Variants in MMRN1 observed in about 807,000 individuals in gnomAD.
The protein encoded by MMRN1 is multimerin-1.
In MMRN1, 94 loss-of-function variants were observed where a neutral mutation model predicts 100.7. That is an observed-to-expected ratio of 0.93 (90% CI 0.79 to 1.11). The LOEUF is 1.11. Ranked by LOEUF, MMRN1 falls within the 50% of genes least tolerant of loss-of-function variation. The pLI is 0.00. For missense variants in MMRN1, 1,606 were observed against 1,439.1 expected, an observed-to-expected ratio of 1.12 and a Z score of -1.88; for synonymous variants, 575 against 505.0, an observed-to-expected ratio of 1.14 and a Z score of -1.86.
intron 1 of MMRN1, among the ~76,000 whole-genome samples, chr4:89,881,224 C>T (rs533921623): frequency 9.5e-4 from 145 of 152,216 alleles, no homozygotes; most frequent in African/African-American, 3.3e-3. Context: ...GGGGCATATG[C>T]TAGCATCTAG....
At chr4:89,892,223 C>A (rs1227741558), upstream of MMRN1, among the ~76,000 whole-genome samples, 1 of 151,600 alleles carries the variant, frequency 6.6e-6, no homozygotes, top group East Asian at 1.9e-4. Context: ...TGATTTTTAT[C>A]TTATAAAATA....
At chr4:89,915,487 A>G (rs962234512) in intron 3 of MMRN1, among the ~76,000 whole-genome samples, 1 of 151,582 alleles carries the variant, frequency 6.6e-6, no homozygotes, top group African/African-American at 2.4e-5. Context: ...TCTGGTTCTG[A>G]GTGAGAGAGA....
chr4:89,897,573 A>G (rs1277632374), intron 1 of MMRN1, among the ~76,000 whole-genome samples: 2 of 152,214 alleles, frequency 1.3e-5, no homozygotes, highest in Non-Finnish European at 2.9e-5. Flanking sequence ...TTAAAATAGC[A>G]TTTAAATTTT....
At chr4:89,884,387 T>G (rs1720888495) in intron 1 of MMRN1, among the ~76,000 whole-genome samples, 1 of 152,118 alleles carries the variant, frequency 6.6e-6, no homozygotes, top group Non-Finnish European at 1.5e-5. Context: ...ATCTTGTTGT[T>G]TACACTGCAA....
chr4:89,920,856 CA>C (rs1722065939), intron 3 of MMRN1, among the ~76,000 whole-genome samples: 1 of 151,464 alleles, frequency 6.6e-6, no homozygotes, highest in South Asian at 2.1e-4. Flanking sequence ...CCCCATTCCT[CA>C]AAATAGAGCT....
Position 89,953,356 on chromosome 4 carries a change from A to G in MMRN1, c.3625A>G (p.Thr1209Ala). The change falls in exon 8 of 8, where the codon ACA becomes GCA. Residue 1209 changes from threonine (T) to alanine (A), a missense_variant. Coordinates refer to ENST00000264790, the MANE Select transcript of MMRN1 (RefSeq NM_007351.3). ...QEVWLRLAKG[T>A]IPAKFPPVTT... is the part of the protein sequence containing the mutation. Reference sequence around the variant, plus strand: ...AGTCTGGTTACGACTTGCAAAAGGAACAATTCCAGCCAAGTTTCCCCCTGT... The same window carrying G: ...AGTCTGGTTACGACTTGCAAAAGGAGCAATTCCAGCCAAGTTTCCCCCTGT... 1.2e-6 allele frequency: 2 copies of G among 1,613,492 alleles called. No individual in the cohort carries two copies. Among genetic ancestry groups the G allele is most frequent in the Non-Finnish European group, 1.7e-6 (2 of 1,179,706 alleles).
At chr4:89,888,119 T>C (rs1720977513) in intron 1 of MMRN1, among the ~76,000 whole-genome samples, 1 of 151,954 alleles carries the variant, frequency 6.6e-6, no homozygotes, top group Non-Finnish European at 1.5e-5. Context: ...TTTACATATA[T>C]ATTTAACTTT....
At chr4:89,940,312 C>G (rs1294697141) in intron 6 of MMRN1, among the ~76,000 whole-genome samples, 2 of 152,008 alleles carry the variant, frequency 1.3e-5, no homozygotes, top group African/African-American at 4.8e-5. Flanking sequence ...AACTTTTTCT[C>G]TAATGTTTAT....
chr4:89,909,182 G>T, intron 1 of MMRN1, 94 bp from the exon 2 acceptor site: 2 of 1,355,090 alleles, frequency 1.5e-6, no homozygotes, highest in Non-Finnish European at 2.0e-6. Flanking sequence ...TCTATAGTAT[G>T]GCAAAAATAA....
chr4:89,920,541 A>G (rs1217418414), intron 3 of MMRN1, among the ~76,000 whole-genome samples: 2 of 151,926 alleles, frequency 1.3e-5, no homozygotes, highest in African/African-American at 2.4e-5. Flanking sequence ...CACTTCACTT[A>G]CTCTTTAAGG....
At chr4:89,946,305 A>T (rs1466794625) in intron 6 of MMRN1, among the ~76,000 whole-genome samples, 1 of 152,192 alleles carries the variant, frequency 6.6e-6, no homozygotes, top group Non-Finnish European at 1.5e-5. Flanking sequence ...AGGCAAAACG[A>T]TAAGTTCCCT....
At chr4:89,898,721 A>G (rs1049816642) in intron 1 of MMRN1, among the ~76,000 whole-genome samples, 2 of 151,984 alleles carry the variant, frequency 1.3e-5, no homozygotes, top group African/African-American at 2.4e-5. Context: ...GTGACTAACA[A>G]TGGGCCCTCT....
At position 89,953,083 on chromosome 4, in the gene MMRN1, C is replaced by G. The variant is rs1461798750; in HGVS notation, c.3352C>G (p.Leu1118Val). The G allele has an allele frequency of 1.2e-6, 2 of 1,613,706 alleles. No homozygotes were observed. The highest frequency in any genetic ancestry group is 1.7e-5 in the Admixed American group (1 of 59,956). ...TYGMTIPGPI[L>V]FNNLDVNYGA... ...TGGAATGACTATACCTGGTCCTATC[C>G]TGTTTAATAACTTGGATGTCAATTA... is the stretch of plus-strand genomic sequence containing the variant. Residue 1118 changes from leucine to valine, a missense_variant, in exon 8 of 8, where the codon CTG (leucine) becomes GTG (valine). Leu to Val is a conservative substitution (Grantham distance 32). Transcript: ENST00000264790.
intron 4 of MMRN1, among the ~76,000 whole-genome samples, chr4:89,925,224 T>A (rs1004612488): frequency 1.1e-4 from 16 of 150,474 alleles, no homozygotes; most frequent in Non-Finnish European, 1.5e-4. Context: ...ACAGCCTCCA[T>A]CTCCAGAGCT....
intron 5 of MMRN1, among the ~76,000 whole-genome samples, chr4:89,930,795 A>G (rs1368129822): frequency 6.6e-6 from 1 of 152,046 alleles, no homozygotes. Context: ...TACTTACTCT[A>G]TATAGCATAT....
chr4:89,917,779 G>C (rs1282128734), intron 3 of MMRN1, among the ~76,000 whole-genome samples: 1 of 151,790 alleles, frequency 6.6e-6, no homozygotes, highest in Non-Finnish European at 1.5e-5. Flanking sequence ...GTCTCAATAA[G>C]TTTGTAATTT....
At chr4:89,939,556 G>T (rs958267413) in intron 6 of MMRN1, among the ~76,000 whole-genome samples, 6 of 152,038 alleles carry the variant, frequency 3.9e-5, no homozygotes, top group African/African-American at 1.4e-4. Context: ...TTCTGAAGAT[G>T]AGTAAACTGA....
intron 1 of MMRN1, among the ~76,000 whole-genome samples, chr4:89,883,270 C>A (rs1720861106): frequency 2.0e-5 from 3 of 151,970 alleles, no homozygotes; most frequent in African/African-American, 4.8e-5. Context: ...AGGCAAAATT[C>A]TTGAATCATG....
chr4:89,904,632 G>A (rs1179751899), intron 1 of MMRN1, among the ~76,000 whole-genome samples: 18 of 151,552 alleles, frequency 1.2e-4, no homozygotes, highest in African/African-American at 1.7e-4. Flanking sequence ...TTGAGTGTGC[G>A]TGTGTGTCTG....
Sources: allele counts gnomAD v4.1 joint callset (sites outside exome capture counted in the v4.1 genomes callset), GRCh38; gene constraint gnomAD v4.1.1; transcripts MANE v1.5; gene names NCBI Gene and HGNC (gene_info 2026-07-23, HGNC 2026-07-21).